The following VTI1A variants were observed in gnomAD, a reference collection of about 807,000 sequenced individuals.
The protein encoded by VTI1A is vesicle transport through interaction with t-SNAREs 1A.
In VTI1A, 22 loss-of-function variants were observed where a neutral mutation model predicts 34.9. The ratio of observed to expected loss-of-function variants is 0.63; its 90% CI spans 0.45 to 0.90. The LOEUF is 0.90. Among genes scored for constraint, VTI1A ranks in the 40% least tolerant of loss-of-function variants. The probability of loss-of-function intolerance (pLI) is 0.00; values close to 1 mark genes in which losing one functional copy is unlikely to be tolerated. For synonymous variants in VTI1A, 87 were observed against 97.3 expected (o/e 0.89, Z 0.62); for missense variants, 268 against 275.6 (o/e 0.97, Z 0.20).
chr10:112,770,423 T>A (rs1851773234), intron 7 of VTI1A, among the ~76,000 whole-genome samples: 1 of 150,568 alleles, frequency 6.6e-6, no homozygotes. Context: ...TGAGACGGAG[T>A]CTTGCTCTGT....
At chr10:112,599,267 A>G (rs1564843145) in intron 5 of VTI1A, among the ~76,000 whole-genome samples, 1 of 152,222 alleles carries the variant, frequency 6.6e-6, no homozygotes, top group Non-Finnish European at 1.5e-5. Flanking sequence ...AAGGAGGGCC[A>G]TGATTGCATT....
chr10:112,544,016 C>G (rs761446162), intron 5 of VTI1A, among the ~76,000 whole-genome samples: 1 of 152,136 alleles, frequency 6.6e-6, no homozygotes, highest in Non-Finnish European at 1.5e-5. Flanking sequence ...TCTGAGGGCT[C>G]TGTTCTGTTC....
chr10:112,592,315 CT>C (rs1408041006), intron 5 of VTI1A, among the ~76,000 whole-genome samples: 1 of 152,170 alleles, frequency 6.6e-6, no homozygotes, highest in Non-Finnish European at 1.5e-5. Flanking sequence ...AGCCACCGAG[CT>C]TTTGGTCATC....
chr10:112,679,158 T>C (rs1848129950), intron 7 of VTI1A, among the ~76,000 whole-genome samples: 1 of 152,158 alleles, frequency 6.6e-6, no homozygotes, highest in South Asian at 2.1e-4. Flanking sequence ...CAGACTCCTA[T>C]TTATACCACA....
At chr10:112,662,336 C>T (rs1050170589) in intron 5 of VTI1A, among the ~76,000 whole-genome samples, 1 of 152,044 alleles carries the variant, frequency 6.6e-6, no homozygotes, top group Non-Finnish European at 1.5e-5. Flanking sequence ...GTTATTGATG[C>T]TATGTTCATT....
chr10:112,552,159 C>A (rs1851383810), intron 5 of VTI1A, among the ~76,000 whole-genome samples: 1 of 152,128 alleles, frequency 6.6e-6, no homozygotes, highest in Non-Finnish European at 1.5e-5. Flanking sequence ...TTTCAGACTA[C>A]TTTTACATCT....
At chr10:112,828,875 C>A in the VTI1A span, among the ~76,000 whole-genome samples, 3 of 150,374 alleles carry the variant, frequency 2.0e-5, no homozygotes, top group East Asian at 5.9e-4. Context: ...ACAAACCACA[C>A]ACACATAAGA....
chr10:112,830,227 C>T, the VTI1A span, among the ~76,000 whole-genome samples: 1 of 152,108 alleles, frequency 6.6e-6, no homozygotes, highest in East Asian at 1.9e-4. Flanking sequence ...CTTGGCATAG[C>T]CTTTCGCATC....
chr10:112,834,550 C>T, the VTI1A span, among the ~76,000 whole-genome samples: 3 of 152,230 alleles, frequency 2.0e-5, no homozygotes. Context: ...GACAGTGCCA[C>T]CTGCCCTGGG....
intron 5 of VTI1A, among the ~76,000 whole-genome samples, chr10:112,558,432 T>G (rs1416819789): frequency 6.6e-6 from 1 of 152,206 alleles, no homozygotes; most frequent in African/African-American, 2.4e-5. Flanking sequence ...AGCTTATTGA[T>G]TCAGTGTGCA....
At chr10:112,489,309 C>G (rs1481797509) in intron 3 of VTI1A, among the ~76,000 whole-genome samples, 1 of 152,190 alleles carries the variant, frequency 6.6e-6, no homozygotes, top group African/African-American at 2.4e-5. Flanking sequence ...AAGGTACTCC[C>G]TGAATCTCTG....
At chr10:112,632,713 G>C (rs888966715) in intron 5 of VTI1A, among the ~76,000 whole-genome samples, 5 of 152,316 alleles carry the variant, frequency 3.3e-5, no homozygotes, top group Non-Finnish European at 5.9e-5. Context: ...GGTTAGGGAA[G>C]AGGAACAGGT....
At chr10:112,742,009 A>T (rs937646445) in intron 7 of VTI1A, among the ~76,000 whole-genome samples, 6 of 152,226 alleles carry the variant, frequency 3.9e-5, no homozygotes, top group Non-Finnish European at 8.8e-5. Flanking sequence ...AAAAATAAAT[A>T]AATCATGAAA....
rs186945868 is a variant in VTI1A, at chr10:112,701,880, A to T, written c.560+32882A>T. 4.6e-5 allele frequency among the ~76,000 whole-genome samples: 7 copies of T among 152,330 alleles called. No homozygotes were observed. The East Asian group carries it at 1.3e-3, about 29-fold the overall frequency. The stretch of plus-strand genomic sequence containing the variant: ...ACATTACAAATCACTCAGCTTTAGA[A>T]ATCCTACATCTAGTGAGTTACAAAT... On this transcript the variant is annotated intron_variant, in intron 7 of 7. Coordinates refer to ENST00000393077, the MANE Select transcript of VTI1A (RefSeq NM_145206.4).
At chr10:112,736,119 A>G (rs963453428) in intron 7 of VTI1A, among the ~76,000 whole-genome samples, 2 of 143,910 alleles carry the variant, frequency 1.4e-5, no homozygotes, top group African/African-American at 5.2e-5. Context: ...GTGTATATAT[A>G]TATATATATA....
At chr10:112,492,493 A>G (rs1007629621) in intron 3 of VTI1A, among the ~76,000 whole-genome samples, 1 of 152,130 alleles carries the variant, frequency 6.6e-6, no homozygotes, top group Non-Finnish European at 1.5e-5. Flanking sequence ...GCTACTTCTT[A>G]TAAAAAAACA....
At chr10:112,678,006 G>T (rs549863950) in intron 7 of VTI1A, among the ~76,000 whole-genome samples, 12 of 152,284 alleles carry the variant, frequency 7.9e-5, no homozygotes, top group Admixed American at 7.8e-4. Flanking sequence ...TGTTATCTGG[G>T]TTCATATGGG....
Position 112,722,676 on chromosome 10 carries a change from G to A in VTI1A, c.560+53678G>A, listed in dbSNP as rs938974516. 5.3e-5 allele frequency among the ~76,000 whole-genome samples: 8 copies of A among 152,156 alleles called. 1 individual carries two copies. The highest frequency in any genetic ancestry group is 3.9e-4 in the East Asian group (2 of 5,182). ...CAGTGGCTCTCAGCCCTTGTTGCTC[G>A]TGAGAATCACCTGGGGAGCTTTTTA... On this transcript the variant is annotated intron_variant, in intron 7 of 7. Transcript: ENST00000393077.
intron 3 of VTI1A, among the ~76,000 whole-genome samples, chr10:112,469,451 T>A (rs1047999681): frequency 4.6e-5 from 7 of 152,220 alleles, no homozygotes; most frequent in Non-Finnish European, 1.0e-4. Flanking sequence ...TTTTTGCCTC[T>A]GTGGACATGA....
Sources: allele counts gnomAD v4.1 joint callset (sites outside exome capture counted in the v4.1 genomes callset), GRCh38; gene constraint gnomAD v4.1.1; transcripts MANE v1.5; gene names NCBI Gene and HGNC (gene_info 2026-07-23, HGNC 2026-07-21).